The following ERBB4 variants were observed in gnomAD, a reference collection of about 807,000 sequenced individuals.
The protein encoded by ERBB4 is erb-b2 receptor tyrosine kinase 4, also known as receptor tyrosine-protein kinase erbB-4.
A neutral mutation model predicts 158.0 loss-of-function variants in ERBB4; 42 were observed. That is an observed-to-expected ratio of 0.27 (90% CI 0.21 to 0.34). ERBB4 has a LOEUF of 0.34. Ranked by LOEUF, ERBB4 falls within the 10% of genes least tolerant of loss-of-function variation. The probability of loss-of-function intolerance (pLI) is 1.00; values close to 1 mark genes in which losing one functional copy is unlikely to be tolerated. For synonymous variants in ERBB4, 583 were observed against 558.7 expected, an observed-to-expected ratio of 1.04 and a Z score of -0.61; for missense variants, 1,333 against 1,624.1, an observed-to-expected ratio of 0.82 and a Z score of 3.08.
chr2:212,071,556 C>A (rs2078118950), intron 2 of ERBB4, among the ~76,000 whole-genome samples: 1 of 151,904 alleles, frequency 6.6e-6, no homozygotes, highest in Non-Finnish European at 1.5e-5. Context: ...TCTTCTATCA[C>A]CATTGAAATC....
intron 3 of ERBB4, among the ~76,000 whole-genome samples, chr2:211,914,441 C>T (rs2079631377): frequency 6.6e-6 from 1 of 151,916 alleles, no homozygotes; most frequent in South Asian, 2.1e-4. Flanking sequence ...ATTCACATTG[C>T]TCATTTTAAA....
intron 1 of ERBB4, among the ~76,000 whole-genome samples, chr2:212,476,062 AGT>A (rs764519439): frequency 1.3e-5 from 2 of 151,846 alleles, no homozygotes; most frequent in Non-Finnish European, 2.9e-5. Flanking sequence ...TTACTTCCTC[AGT>A]GATGCCTGGA....
rs148767898 is a variant in ERBB4, at chr2:211,432,372, A to G, written c.2488-1272T>C. 2.8e-4 allele frequency among the ~76,000 whole-genome samples: 42 copies of G among 152,336 alleles called. No homozygotes were observed. The East Asian group carries it at 8.1e-3, about 29-fold the overall frequency. On this transcript the variant is annotated intron_variant, in intron 20 of 27. Coordinates refer to ENST00000342788, the MANE Select transcript of ERBB4 (RefSeq NM_005235.3). ...CAAACAGCATCATGAGCCAAACCCC[A>G]TATAAATGCACATTAAACACAACCA...
intron 1 of ERBB4, among the ~76,000 whole-genome samples, chr2:212,174,404 T>C (rs533671357): frequency 6.6e-6 from 1 of 152,104 alleles, no homozygotes; most frequent in Non-Finnish European, 1.5e-5. Context: ...TTAAGATACA[T>C]ACATTAAATG....
chr2:212,099,103 G>A (rs2079009428), intron 2 of ERBB4, among the ~76,000 whole-genome samples: 1 of 151,260 alleles, frequency 6.6e-6, no homozygotes, highest in South Asian at 2.1e-4. Flanking sequence ...GAGGCCAGGA[G>A]TTCAAGACTA....
intron 2 of ERBB4, among the ~76,000 whole-genome samples, chr2:211,948,066 T>A (rs1032702985): frequency 2.0e-5 from 3 of 152,128 alleles, no homozygotes; most frequent in African/African-American, 7.2e-5. Context: ...TCTATTGGTG[T>A]TTGGTGCTAT....
intron 3 of ERBB4, among the ~76,000 whole-genome samples, chr2:211,927,640 T>C (rs10497953): frequency 0.042 from 6,407 of 152,122 alleles, 158 homozygotes; most frequent in African/African-American, 0.066. Context: ...CTTTAAACTT[T>C]GGGAAACACA....
In ERBB4 at chr2:212,538,663, G is replaced by C; in HGVS notation, c.-133C>G. The C allele has an allele frequency of 1.2e-6, 1 of 864,340 alleles. No individual in the cohort carries two copies. The highest frequency in any genetic ancestry group is 1.8e-6 in the Non-Finnish European group (1 of 547,654). The allele number at this position is 864,340 out of a possible 1,614,324, so 53.5% of individuals were successfully genotyped here. Reference sequence around the variant, plus strand: ...GGGGGGCGGGCGCGGCGCGCGCGGTGTGGCGACTCCCAGGGCGGGCGACCG... The same window carrying C: ...GGGGGGCGGGCGCGGCGCGCGCGGTCTGGCGACTCCCAGGGCGGGCGACCG... On this transcript the variant is annotated 5_prime_UTR_variant, in exon 1 of 28. Coordinates refer to ENST00000342788, the MANE Select transcript of ERBB4 (RefSeq NM_005235.3).
chr2:211,579,064 G>T (rs1043024375), intron 19 of ERBB4, among the ~76,000 whole-genome samples: 1 of 151,850 alleles, frequency 6.6e-6, no homozygotes, highest in Non-Finnish European at 1.5e-5. Context: ...GGCAAAGGTC[G>T]AATATCCAGA....
chr2:211,844,898 T>A (rs926904715), intron 3 of ERBB4, among the ~76,000 whole-genome samples: 1 of 152,116 alleles, frequency 6.6e-6, no homozygotes, highest in Admixed American at 6.6e-5. Context: ...ACTAATTTAT[T>A]CTTAGTGTCC....
At chr2:212,003,179 AAGAAAGAAAGAAAGAAAGAAAGAAAGAC>A (rs1216085506) in intron 2 of ERBB4, among the ~76,000 whole-genome samples, 93 of 53,432 alleles carry the variant, frequency 1.7e-3, no homozygotes, top group Non-Finnish European at 3.0e-3. Flanking sequence ...GAAAGAAAGA[AAGAAAGAAAGAAAGAAAGAAAGAAAGAC>A]AGAAAGAAGG....
intron 3 of ERBB4, among the ~76,000 whole-genome samples, chr2:211,929,145 G>C (rs557893426): frequency 3.3e-5 from 5 of 151,712 alleles, no homozygotes; most frequent in Admixed American, 6.6e-5. Flanking sequence ...TCAAATTCTG[G>C]ATATGCAATT....
intron 1 of ERBB4, among the ~76,000 whole-genome samples, chr2:212,194,291 T>TACACACACACAC (rs5838307): frequency 0.066 from 9,781 of 148,700 alleles, 430 homozygotes; most frequent in South Asian, 0.25. Context: ...AAATAGTTTA[T>TACACACACACAC]ACACACACAC....
intron 3 of ERBB4, among the ~76,000 whole-genome samples, chr2:211,913,647 G>GTT (rs2079601205): frequency 1.4e-5 from 2 of 141,448 alleles, no homozygotes; most frequent in African/African-American, 5.1e-5. Flanking sequence ...GTGTGTGTGT[G>GTT]TGTGTGTGTG....
chr2:211,709,113 A>G lies in ERBB4; in HGVS notation c.1124+2937T>C, dbSNP rs188387769. The stretch of plus-strand genomic sequence containing the variant: ...ATTCTTCCCATAAACTTGTAAATGC[A>G]TGGTCCTTACTGCCTGATGCATTTT... On this transcript the variant is annotated intron_variant, in intron 9 of 27. Transcript: ENST00000342788. Among the ~76,000 whole-genome samples, 494 of 151,944 alleles carry G rather than the reference A, an allele frequency of 3.3e-3. 7 individuals are homozygous for G. Among genetic ancestry groups the G allele is most frequent in the African/African-American group, 0.011 (455 of 41,420 alleles).
intron 1 of ERBB4, among the ~76,000 whole-genome samples, chr2:212,536,049 C>T (rs1277541557): frequency 6.6e-6 from 1 of 152,218 alleles, no homozygotes; most frequent in Non-Finnish European, 1.5e-5. Context: ...ATTCACTCAA[C>T]ATCTTGTCGC....
intron 1 of ERBB4, among the ~76,000 whole-genome samples, chr2:212,537,867 C>A (rs906022642): frequency 5.3e-5 from 8 of 152,274 alleles, no homozygotes; most frequent in African/African-American, 1.7e-4. Context: ...CCGAGGCGCG[C>A]CCGCCTGCTG....
intron 3 of ERBB4, among the ~76,000 whole-genome samples, chr2:211,821,689 C>A (rs2105943768): frequency 6.6e-6 from 1 of 151,982 alleles, no homozygotes; most frequent in Middle Eastern, 3.4e-3. Flanking sequence ...ATAGAGAACC[C>A]AGAAATTAAT....
chr2:212,040,386 T>C (rs1285307940), intron 2 of ERBB4, among the ~76,000 whole-genome samples: 1 of 152,036 alleles, frequency 6.6e-6, no homozygotes, highest in Non-Finnish European at 1.5e-5. Flanking sequence ...ATGTGGTTTA[T>C]TTCACCTTAT....
Sources: gnomAD v4.1 joint callset for allele counts (sites outside exome capture counted in the v4.1 genomes callset) on GRCh38, gnomAD v4.1.1 for gene constraint, MANE v1.5 for transcripts, NCBI Gene and HGNC (gene_info 2026-07-23, HGNC 2026-07-21) for gene names.